CNTN5: variants seen among roughly 807,000 people sequenced by gnomAD.
CNTN5 encodes contactin 5.
A neutral mutation model predicts 129.1 loss-of-function variants in CNTN5; 77 were observed. That is an observed-to-expected ratio of 0.60 (90% CI 0.50 to 0.72). The LOEUF (loss-of-function observed/expected upper bound fraction) is 0.72, where lower values mean the gene tolerates loss of function less well. Among genes scored for constraint, CNTN5 ranks in the 30% least tolerant of loss-of-function variants. The pLI, the probability that CNTN5 is intolerant of heterozygous loss-of-function variation, is 0.00. For synonymous variants in CNTN5, 509 were observed against 465.6 expected (o/e 1.09, Z -1.20); for missense variants, 1,478 against 1,328.8 (o/e 1.11, Z -1.75).
intron 2 of CNTN5, among the ~76,000 whole-genome samples, chr11:99,376,745 T>C (rs1406927965): frequency 6.6e-6 from 1 of 152,200 alleles, no homozygotes; most frequent in East Asian, 1.9e-4. Flanking sequence ...GAACTGAGAT[T>C]GATGCCCTTA....
At chr11:100,289,387 A>C (rs180820218) in intron 18 of CNTN5, among the ~76,000 whole-genome samples, 2,733 of 151,822 alleles carry the variant, frequency 0.018, 89 homozygotes, top group African/African-American at 0.062. Context: ...CGAATCCAGC[A>C]GCACATCAAA....
intron 16 of CNTN5, among the ~76,000 whole-genome samples, chr11:100,226,317 T>C (rs752368087): frequency 2.0e-5 from 3 of 152,132 alleles, no homozygotes; most frequent in Non-Finnish European, 4.4e-5. Flanking sequence ...AGAATGAAGC[T>C]CTTAAAATTG....
chr11:100,077,288 T>C (rs773082142), intron 13 of CNTN5, among the ~76,000 whole-genome samples: 1 of 152,176 alleles, frequency 6.6e-6, no homozygotes, highest in Non-Finnish European at 1.5e-5. Context: ...TGGCTTATTT[T>C]ATTGGAATAT....
chr11:100,063,226 C>T (rs1451822936), intron 10 of CNTN5, among the ~76,000 whole-genome samples: 2 of 149,514 alleles, frequency 1.3e-5, no homozygotes, highest in African/African-American at 5.0e-5. Flanking sequence ...TGACTGTTTC[C>T]AGAAATGTAA....
intron 7 of CNTN5, among the ~76,000 whole-genome samples, chr11:99,942,275 A>G (rs528095274): frequency 1.4e-4 from 21 of 152,124 alleles, no homozygotes; most frequent in South Asian, 8.3e-4. Context: ...CCAGAGAACT[A>G]TGGGAGAACA....
chr11:100,193,437 T>C, intron 14 of CNTN5, 51 bp from the exon 15 acceptor site: 1 of 1,162,964 alleles, frequency 8.6e-7, no homozygotes, highest in Non-Finnish European at 1.2e-6. Context: ...ATATTATGTA[T>C]GGTAACACAA....
At chr11:99,569,302 A>ATTAT (rs148620617) in intron 3 of CNTN5, among the ~76,000 whole-genome samples, 34,783 of 150,160 alleles carry the variant, frequency 0.23, 4,661 homozygotes, top group Middle Eastern at 0.33. Context: ...TTTTATTTTT[A>ATTAT]TTATTTATTT....
At chr11:99,559,442 C>T (rs1948770679) in intron 3 of CNTN5, among the ~76,000 whole-genome samples, 1 of 152,070 alleles carries the variant, frequency 6.6e-6, no homozygotes, top group East Asian at 1.9e-4. Flanking sequence ...GCATCTTTCA[C>T]AAGAACAGGC....
chr11:99,498,064 AG>A lies in CNTN5; in HGVS notation c.-70-58080del, dbSNP rs1205489810. 2.0e-5 allele frequency among the ~76,000 whole-genome samples: 3 copies of A among 152,248 alleles called. No individual in the cohort carries two copies. In the East Asian group the frequency reaches 5.8e-4, roughly 29 times the overall value. On this transcript the variant is annotated intron_variant, in intron 2 of 24. Coordinates refer to ENST00000524871, the MANE Select transcript of CNTN5 (RefSeq NM_014361.4). ...CTTGCCAATTTTATACATGCTGCCA[AG>A]TAACATCTTTATGGTTACCTAATGG... is the stretch of plus-strand genomic sequence containing the variant.
Position 99,562,777 on chromosome 11 carries a change from C to A in CNTN5, c.55+6508C>A, listed in dbSNP as rs117086782. On this transcript the variant is annotated intron_variant, in intron 3 of 24. Coordinates refer to ENST00000524871, the MANE Select transcript of CNTN5 (RefSeq NM_014361.4). ...TACCTTGCTTATAGGTGTAGATGAT[C>A]TTGCCATTTACCTGGATTCTTAATA... Among the ~76,000 whole-genome samples the A allele has an allele frequency of 8.8e-3, 1,334 of 151,876 alleles. 12 individuals are homozygous for A. Among genetic ancestry groups the A allele is most frequent in the Middle Eastern group, 0.024 (7 of 292 alleles).
chr11:99,884,070 C>G, intron 6 of CNTN5, among the ~76,000 whole-genome samples: 1 of 152,276 alleles, frequency 6.6e-6, no homozygotes, highest in East Asian at 1.9e-4. Flanking sequence ...GGCCCCCAAA[C>G]AGAAGCACCC....
chr11:99,030,854 C>A (rs1863340854), intron 1 of CNTN5, among the ~76,000 whole-genome samples: 1 of 144,396 alleles, frequency 6.9e-6, no homozygotes, highest in Non-Finnish European at 1.5e-5. Context: ...GATCTCGGTT[C>A]ACTGCAACCT....
At chr11:99,734,884 T>A (rs1025138835) in intron 3 of CNTN5, among the ~76,000 whole-genome samples, 6 of 152,192 alleles carry the variant, frequency 3.9e-5, no homozygotes, top group Non-Finnish European at 7.3e-5. Flanking sequence ...GGCAGGCGCC[T>A]GTAGTCCCAG....
At chr11:99,181,737 G>A (rs761869815) in intron 1 of CNTN5, among the ~76,000 whole-genome samples, 7 of 152,156 alleles carry the variant, frequency 4.6e-5, no homozygotes, top group Non-Finnish European at 1.0e-4. Context: ...AAGGTCACAA[G>A]CCTTAGGGGC....
intron 2 of CNTN5, among the ~76,000 whole-genome samples, chr11:99,500,794 T>G (rs1452733601): frequency 6.6e-6 from 1 of 152,184 alleles, no homozygotes; most frequent in Non-Finnish European, 1.5e-5. Flanking sequence ...TATCTAGACT[T>G]TTTTGTGTAG....
chr11:99,105,066 A>G (rs547177529), intron 1 of CNTN5, among the ~76,000 whole-genome samples: 133 of 152,248 alleles, frequency 8.7e-4, no homozygotes, highest in African/African-American at 3.2e-3. Context: ...CTCATCACTA[A>G]AAGAAGTTTA....
chr11:99,568,560 T>A (rs1431070106), intron 3 of CNTN5, among the ~76,000 whole-genome samples: 2 of 152,138 alleles, frequency 1.3e-5, no homozygotes, highest in Admixed American at 1.3e-4. Flanking sequence ...CAAATTCAGG[T>A]CTCTTTGGAA....
At chr11:99,868,559 A>G (rs1347991913) in intron 6 of CNTN5, among the ~76,000 whole-genome samples, 4 of 152,208 alleles carry the variant, frequency 2.6e-5, no homozygotes, top group Non-Finnish European at 4.4e-5. Context: ...AACTATTCAT[A>G]TAGTAAAACA....
chr11:99,123,544 G>A (rs1187429823), intron 1 of CNTN5, among the ~76,000 whole-genome samples: 1 of 151,608 alleles, frequency 6.6e-6, no homozygotes, highest in Non-Finnish European at 1.5e-5. Context: ...AGTTTAATTA[G>A]GTAATAATTG....
Sources: gnomAD v4.1 joint callset for allele counts (sites outside exome capture counted in the v4.1 genomes callset) on GRCh38, gnomAD v4.1.1 for gene constraint, MANE v1.5 for transcripts, NCBI Gene and HGNC (gene_info 2026-07-23, HGNC 2026-07-21) for gene names.